The following QSOX2 variants were observed in gnomAD, a reference collection of about 807,000 sequenced individuals.
QSOX2 encodes the protein quiescin sulfhydryl oxidase 2, also known as sulfhydryl oxidase 2.
QSOX2 carries 46 observed loss-of-function variants against 61.7 expected under a neutral mutation model. The observed-to-expected ratio is 0.75, with a 90% CI of 0.59 to 0.95. QSOX2 has a LOEUF of 0.95. Among genes scored for constraint, QSOX2 ranks in the 40% least tolerant of loss-of-function variants. The pLI, the probability that QSOX2 is intolerant of heterozygous loss-of-function variation, is 0.00. For missense variants in QSOX2, 879 were observed against 918.9 expected, an observed-to-expected ratio of 0.96 and a Z score of 0.56; for synonymous variants, 383 against 388.4, an observed-to-expected ratio of 0.99 and a Z score of 0.16.
Position 136,214,968 on chromosome 9 carries a change from G to A in QSOX2, c.1360+186C>T, listed in dbSNP as rs371729841. ...TTGCGAGTTCTGACAAGGGGAACTC[G>A]TGCCCCCGCAGCCACAGCCCTGGGT... On this transcript the variant is annotated intron_variant, in intron 10 of 11. Coordinates refer to ENST00000358701, the MANE Select transcript of QSOX2 (RefSeq NM_181701.4). Among the ~76,000 whole-genome samples the A allele has an allele frequency of 1.4e-3, 219 of 152,344 alleles. 2 individuals carry two copies. In the Middle Eastern group the frequency reaches 0.037, roughly 26 times the overall value.
intron 9 of QSOX2, 48 bp from the exon 10 acceptor site, chr9:136,215,352 T>C (rs773862157): frequency 7.1e-7 from 1 of 1,408,020 alleles, no homozygotes; most frequent in Non-Finnish European, 9.5e-7. Context: ...AAGATAATTG[T>C]TGAAATTAAA....
intron 2 of QSOX2, among the ~76,000 whole-genome samples, chr9:136,225,992 G>A (rs909970420): frequency 5.3e-5 from 8 of 152,314 alleles, no homozygotes; most frequent in Middle Eastern, 6.8e-3. Flanking sequence ...GGCTGACACC[G>A]GTGCCGCCCA....
chr9:136,235,959 G>GT (rs1266227219), intron 1 of QSOX2, among the ~76,000 whole-genome samples: 1 of 152,202 alleles, frequency 6.6e-6, no homozygotes, highest in Non-Finnish European at 1.5e-5. Flanking sequence ...AGTTTCCATC[G>GT]TAAGGATGAT....
At chr9:136,242,719 G>A (rs1033948742) in intron 1 of QSOX2, among the ~76,000 whole-genome samples, 4 of 152,250 alleles carry the variant, frequency 2.6e-5, no homozygotes, top group Admixed American at 6.5e-5. Context: ...GGCTGGGGCT[G>A]TGGAGAAGCA....
Position 136,209,730 on chromosome 9 carries a change from C to T in QSOX2, c.1550-455G>A, listed in dbSNP as rs1297567386. On this transcript the variant is annotated intron_variant, in intron 11 of 11. Coordinates refer to ENST00000358701, the MANE Select transcript of QSOX2 (RefSeq NM_181701.4). This position sits in a 1 kb window ranked among gnomAD's most constrained non-coding sequence, Gnocchi z 5.6. ...CCCACTACCTACAGAGCCCCGGCCA[C>T]CTGGGTGCTATGGACAGTGGGCCTT... is the stretch of plus-strand genomic sequence containing the variant. 1.0e-6 allele frequency: 1 copy of T among 984,888 alleles called. No homozygotes were observed. Among genetic ancestry groups the T allele is most frequent in the East Asian group, 1.2e-4 (1 of 8,666 alleles). The allele number at this position is 984,888 out of a possible 1,614,324, so 61.0% of individuals were successfully genotyped here.
rs1162853949 is a variant in QSOX2, at chr9:136,222,787, C to T, written c.676-846G>A. On this transcript the variant is annotated intron_variant, in intron 5 of 11. Coordinates refer to ENST00000358701, the MANE Select transcript of QSOX2 (RefSeq NM_181701.4). The surrounding 1 kb of genome is among the most constrained non-coding windows in gnomAD (Gnocchi z 6.9). ...AGACGGTCCCACACCCGCCTCTTCT[C>T]AGGGGAACACCTGCCTCTGGTCTGC... Among the ~76,000 whole-genome samples, 1 of 152,184 alleles carries T rather than the reference C, an allele frequency of 6.6e-6. No individual in the cohort carries two copies. Among genetic ancestry groups the T allele is most frequent in the African/African-American group, 2.4e-5 (1 of 41,440 alleles).
In QSOX2 at chr9:136,209,416, T is replaced by G. The variant is rs1255891862; in HGVS notation, c.1550-141A>C. On this transcript the variant is annotated intron_variant, in intron 11 of 11. Coordinates refer to ENST00000358701, the MANE Select transcript of QSOX2 (RefSeq NM_181701.4). The surrounding 1 kb of genome is among the most constrained non-coding windows in gnomAD (Gnocchi z 5.6). The stretch of plus-strand genomic sequence containing the variant: ...CAGGGTCCTGCCAGGCCTCCCTCCC[T>G]GCCCTTCCCACCACCCGTCCCTTGC... 4 of 1,492,714 alleles carry G rather than the reference T, an allele frequency of 2.7e-6. No individual in the cohort carries two copies. Among genetic ancestry groups the G allele is most frequent in the Non-Finnish European group, 3.6e-6 (4 of 1,126,282 alleles). The allele number at this position is 1,492,714 out of a possible 1,614,324, so 92.5% of individuals were successfully genotyped here.
Position 136,206,368 on chromosome 9 carries a change from C to T in QSOX2, c.*2360G>A, listed in dbSNP as rs570115617. ...TGTCAGATTTCTTTATTAAAATGTG[C>T]ACATTATAGTTTACTTAAATACAAA... On this transcript the variant is annotated 3_prime_UTR_variant, in exon 12 of 12. Transcript: ENST00000358701. 44 of 152,724 alleles carry T rather than the reference C, an allele frequency of 2.9e-4. No homozygotes were observed. The highest frequency in any genetic ancestry group is 1.0e-3 in the African/African-American group (43 of 41,544). The allele number at this position is 152,724 out of a possible 1,614,324, so 9.5% of individuals were successfully genotyped here. A position where few individuals can be genotyped will look rare whatever the true frequency, so the allele number is the denominator to read the frequency against.
chr9:136,235,890 C>T (rs1028240469), intron 1 of QSOX2, among the ~76,000 whole-genome samples: 1 of 152,222 alleles, frequency 6.6e-6, no homozygotes, highest in Non-Finnish European at 1.5e-5. Flanking sequence ...CCTCTATGAA[C>T]ATTTTCATCA....
chr9:136,234,743 C>T (rs1203749334), intron 1 of QSOX2, among the ~76,000 whole-genome samples: 1 of 140,274 alleles, frequency 7.1e-6, no homozygotes, highest in Non-Finnish European at 1.5e-5. Context: ...CAAGGCTGGT[C>T]TCCACAAGGC....
At position 136,208,441 on chromosome 9, in the gene QSOX2, A is replaced by G; in HGVS notation, c.*287T>C. The G allele has an allele frequency of 2.8e-6, 1 of 351,534 alleles. No homozygotes were observed. Among genetic ancestry groups the G allele is most frequent in the African/African-American group, 2.1e-5 (1 of 47,678 alleles). The allele number at this position is 351,534 out of a possible 1,614,324, so 21.8% of individuals were successfully genotyped here. Reference sequence around the variant, plus strand: ...GACTCTGCACCCTCTTTTCACATCTAGAAGAGTAAAAATACAGAAGTCTTT... The same window carrying G: ...GACTCTGCACCCTCTTTTCACATCTGGAAGAGTAAAAATACAGAAGTCTTT... On this transcript the variant is annotated 3_prime_UTR_variant, in exon 12 of 12. Coordinates refer to ENST00000358701, the MANE Select transcript of QSOX2 (RefSeq NM_181701.4).
intron 1 of QSOX2, among the ~76,000 whole-genome samples, chr9:136,228,059 G>T (rs1830298617): frequency 1.3e-5 from 2 of 152,198 alleles, no homozygotes; most frequent in Admixed American, 6.5e-5. Context: ...CCTTCTCTGG[G>T]TTTGACTGAC....
intron 1 of QSOX2, among the ~76,000 whole-genome samples, chr9:136,231,834 G>A (rs1830333010): frequency 6.6e-6 from 1 of 152,082 alleles, no homozygotes; most frequent in South Asian, 2.1e-4. Flanking sequence ...CAAGTCCTCA[G>A]AGGCCGAGAG....
At chr9:136,237,625 CACCTGGAGCCCGTCCTGTGCCAT>C (rs1189052986) in intron 1 of QSOX2, among the ~76,000 whole-genome samples, 39 of 146,838 alleles carry the variant, frequency 2.7e-4, no homozygotes, top group African/African-American at 7.9e-4. Context: ...GGGCCAGCGT[CACCTGGAGCCCGTCCTGTGCCAT>C]ACCTGGAGCC....
Position 136,245,590 on chromosome 9 carries a change from G to A in QSOX2, c.214C>T (p.Arg72Cys), listed in dbSNP as rs1229702680. 1.3e-6 allele frequency: 2 copies of A among 1,574,504 alleles called. No individual in the cohort carries two copies. Among genetic ancestry groups the A allele is most frequent in the East Asian group, 2.4e-5 (1 of 41,410 alleles). The change falls in exon 1 of 12, where the codon CGC becomes TGC. Residue 72 changes from arginine (R) to cysteine (C), a missense_variant. Transcript: ENST00000358701. ...AVWVLDSGSV[R>C]GATANSSAAW... ...GCCGAGCTGTTGGCGGTGGCCCCGCGCACGCTGCCGCTGTCCAGCACCCAC... is the reference window on the plus strand; with the variant it reads ...GCCGAGCTGTTGGCGGTGGCCCCGCACACGCTGCCGCTGTCCAGCACCCAC...
chr9:136,240,480 C>T (rs1007735227), intron 1 of QSOX2, among the ~76,000 whole-genome samples: 20 of 152,230 alleles, frequency 1.3e-4, no homozygotes, highest in Admixed American at 3.9e-4. Context: ...AGGTCCACTG[C>T]AGCCTCTCCT....
At chr9:136,217,444 A>G (rs1292168775) in intron 8 of QSOX2, among the ~76,000 whole-genome samples, 3 of 152,198 alleles carry the variant, frequency 2.0e-5, no homozygotes, top group Non-Finnish European at 2.9e-5. Flanking sequence ...TGAAGCTCAC[A>G]GGTGGCGATG....
intron 1 of QSOX2, among the ~76,000 whole-genome samples, chr9:136,242,398 G>A (rs1830440043): frequency 1.3e-5 from 2 of 152,378 alleles, no homozygotes; most frequent in Admixed American, 1.3e-4. Flanking sequence ...TGGCCAGGGG[G>A]ACCAGTGGGA....
chr9:136,222,937 T>C lies in QSOX2; in HGVS notation c.675+826A>G, dbSNP rs1221494605. Among the ~76,000 whole-genome samples, 1 of 152,088 alleles carries C rather than the reference T, an allele frequency of 6.6e-6. No homozygotes were observed. Among genetic ancestry groups the C allele is most frequent in the Non-Finnish European group, 1.5e-5 (1 of 68,006 alleles). On this transcript the variant is annotated intron_variant, in intron 5 of 11. Coordinates refer to ENST00000358701, the MANE Select transcript of QSOX2 (RefSeq NM_181701.4). The surrounding 1 kb of genome is among the most constrained non-coding windows in gnomAD (Gnocchi z 6.9). ...CTCCACAGAGAATCCTGGCCAACCA[T>C]CTGGAGGCAGCCTGGCGTCACCATC...
Sources: gnomAD v4.1 joint callset for allele counts (sites outside exome capture counted in the v4.1 genomes callset) on GRCh38, gnomAD v4.1.1 for gene constraint, Gnocchi (gnomAD v3.1) non-coding constraint, MANE v1.5 for transcripts, NCBI Gene and HGNC (gene_info 2026-07-23, HGNC 2026-07-21) for gene names.